The following SHISAL1 variants were observed in gnomAD, a reference collection of about 807,000 sequenced individuals.
SHISAL1 encodes protein shisa-like-1.
SHISAL1 carries 9 observed loss-of-function variants against 22.6 expected under a neutral mutation model. The ratio of observed to expected loss-of-function variants is 0.40; its 90% CI spans 0.24 to 0.70. The LOEUF (loss-of-function observed/expected upper bound fraction) is 0.70, where lower values mean the gene tolerates loss of function less well. SHISAL1 is among the 30% of genes least tolerant of loss of function. The pLI is 0.39. For synonymous variants in SHISAL1, 119 were observed against 115.4 expected, an observed-to-expected ratio of 1.03 and a Z score of -0.20; for missense variants, 246 against 270.6, an observed-to-expected ratio of 0.91 and a Z score of 0.64.
Position 44,310,133 on chromosome 22 carries a change from G to A in SHISAL1, c.-33+2618C>T, listed in dbSNP as rs1197663638. Among the ~76,000 whole-genome samples, 5 of 152,236 alleles carry A rather than the reference G, an allele frequency of 3.3e-5. No individual in the cohort carries two copies. The highest frequency in any genetic ancestry group is 1.2e-4 in the African/African-American group (5 of 41,464). On this transcript the variant is annotated intron_variant, in intron 1 of 4. Coordinates refer to ENST00000381176, the MANE Select transcript of SHISAL1 (RefSeq NM_001099294.2). The surrounding 1 kb of genome is among the most constrained non-coding windows in gnomAD (Gnocchi z 4.0). Reference sequence around the variant, plus strand: ...ACCCTAGTAACGGCCAATGTGACCTGAGCCCTGCTGACCTGATGCCTAGCC... The same window carrying A: ...ACCCTAGTAACGGCCAATGTGACCTAAGCCCTGCTGACCTGATGCCTAGCC...
At chr22:44,260,666 G>A (rs979191852) in intron 4 of SHISAL1, among the ~76,000 whole-genome samples, 2 of 152,232 alleles carry the variant, frequency 1.3e-5, no homozygotes, top group Non-Finnish European at 2.9e-5. Context: ...AGAGCCAAAC[G>A]CTTGCCTGTA....
chr22:44,283,867 G>T (rs1395028322), intron 4 of SHISAL1, among the ~76,000 whole-genome samples: 1 of 152,084 alleles, frequency 6.6e-6, no homozygotes, highest in Non-Finnish European at 1.5e-5. Flanking sequence ...AACCCTCTAG[G>T]TGTGTCTGTT....
intron 4 of SHISAL1, among the ~76,000 whole-genome samples, chr22:44,262,638 T>C (rs1373404843): frequency 6.6e-6 from 1 of 152,210 alleles, no homozygotes; most frequent in Non-Finnish European, 1.5e-5. Context: ...CCTGTGCTGC[T>C]GACCGCAGGG....
chr22:44,308,829 C>T (rs961722252), intron 1 of SHISAL1, among the ~76,000 whole-genome samples: 13 of 152,208 alleles, frequency 8.5e-5, no homozygotes, highest in African/African-American at 3.1e-4. Context: ...ACAGGGGCCA[C>T]GCTCGGGCCT....
chr22:44,249,577 C>A lies in SHISAL1; in HGVS notation c.*108G>T, dbSNP rs576460555. The A allele has an allele frequency of 2.7e-6, 2 of 747,038 alleles. No homozygotes were observed. Among genetic ancestry groups the A allele is most frequent in the Non-Finnish European group, 5.0e-6 (2 of 402,664 alleles). The allele number at this position is 747,038 out of a possible 1,614,324, so 46.3% of individuals were successfully genotyped here. On this transcript the variant is annotated 3_prime_UTR_variant, in exon 5 of 5. Coordinates refer to ENST00000381176, the MANE Select transcript of SHISAL1 (RefSeq NM_001099294.2). ...GCAGCATTTCCTCCTGTGCCACCGC[C>A]GCTACCTCGGCTGTCCCTGGCATCT...
intron 4 of SHISAL1, among the ~76,000 whole-genome samples, chr22:44,265,748 T>TA (rs1360932622): frequency 6.6e-6 from 1 of 152,242 alleles, no homozygotes; most frequent in Non-Finnish European, 1.5e-5. Flanking sequence ...GACATCCCTC[T>TA]ACTCTATCCT....
chr22:44,316,698 T>C (rs1269231341), upstream of SHISAL1, among the ~76,000 whole-genome samples: 4 of 152,140 alleles, frequency 2.6e-5, no homozygotes, highest in Non-Finnish European at 5.9e-5. Flanking sequence ...CCGGGAGCTG[T>C]TGGAAATGCA....
At chr22:44,324,874 A>G in the SHISAL1 span, among the ~76,000 whole-genome samples, 1 of 152,200 alleles carries the variant, frequency 6.6e-6, no homozygotes, top group Non-Finnish European at 1.5e-5. Context: ...GATTCCAGGC[A>G]GCTGCACCCA....
At chr22:44,299,752 A>G (rs962358499) in intron 2 of SHISAL1, among the ~76,000 whole-genome samples, 4 of 151,652 alleles carry the variant, frequency 2.6e-5, no homozygotes, top group African/African-American at 9.7e-5. Context: ...AGACAGAGTC[A>G]GAGAAAGACA....
At chr22:44,290,902 T>C (rs1276791230) in intron 3 of SHISAL1, among the ~76,000 whole-genome samples, 2 of 152,214 alleles carry the variant, frequency 1.3e-5, no homozygotes, top group African/African-American at 4.8e-5. Flanking sequence ...CACAGCAGGA[T>C]TGAGGTTGTC....
intron 4 of SHISAL1, among the ~76,000 whole-genome samples, chr22:44,269,104 C>T (rs570816383): frequency 5.3e-5 from 8 of 152,112 alleles, no homozygotes; most frequent in East Asian, 3.9e-4. Flanking sequence ...AATACACACA[C>T]GCACAGCATG....
upstream of SHISAL1, among the ~76,000 whole-genome samples, chr22:44,313,037 C>T (rs2055531618): frequency 6.6e-6 from 1 of 152,192 alleles, no homozygotes; most frequent in Admixed American, 6.5e-5. Context: ...CCGCCACCTC[C>T]CAGGCCCAGG....
the SHISAL1 span, among the ~76,000 whole-genome samples, chr22:44,320,798 G>A: frequency 6.6e-6 from 1 of 152,208 alleles, no homozygotes; most frequent in Non-Finnish European, 1.5e-5. Context: ...GGGAGGCCCT[G>A]GCAGCAGCTC....
At chr22:44,319,806 G>A in the SHISAL1 span, among the ~76,000 whole-genome samples, 2 of 152,202 alleles carry the variant, frequency 1.3e-5, no homozygotes, top group South Asian at 4.1e-4. Flanking sequence ...AAGATTAAAT[G>A]TAGGAGTTGT....
chr22:44,249,522 G>T lies in SHISAL1; in HGVS notation c.*163C>A. 1.8e-5 allele frequency: 9 copies of T among 512,246 alleles called. No homozygotes were observed. The highest frequency in any genetic ancestry group is 3.4e-5 in the Non-Finnish European group (9 of 268,056). The allele number at this position is 512,246 out of a possible 1,614,324, so 31.7% of individuals were successfully genotyped here. On this transcript the variant is annotated 3_prime_UTR_variant, in exon 5 of 5. Transcript: ENST00000381176. ...ACCCCTGAGTTTGCTCCTAATCTTA[G>T]AAGTCCGCGGAAGGGGGCTTTGGGC...
intron 1 of SHISAL1, among the ~76,000 whole-genome samples, chr22:44,301,445 A>G (rs949044562): frequency 2.0e-5 from 3 of 152,234 alleles, no homozygotes; most frequent in Admixed American, 6.5e-5. Flanking sequence ...CAAGGCACAC[A>G]GCAGTGCATG....
intron 2 of SHISAL1, among the ~76,000 whole-genome samples, chr22:44,298,903 G>C (rs930113530): frequency 6.6e-6 from 1 of 152,196 alleles, no homozygotes; most frequent in African/African-American, 2.4e-5. Context: ...AAGCCTCCCC[G>C]GCTGCCTTCC....
chr22:44,302,233 G>A (rs1192482345), intron 1 of SHISAL1, among the ~76,000 whole-genome samples: 1 of 151,666 alleles, frequency 6.6e-6, no homozygotes, highest in African/African-American at 2.4e-5. Context: ...CCAGCTACTT[G>A]GGAGGCCAAG....
intron 3 of SHISAL1, among the ~76,000 whole-genome samples, chr22:44,292,568 G>A (rs141031001): frequency 9.8e-5 from 15 of 152,312 alleles, no homozygotes; most frequent in South Asian, 6.2e-4. Context: ...CTGTGATATC[G>A]TGTGGCCGGG....
Sources: allele counts gnomAD v4.1 joint callset (sites outside exome capture counted in the v4.1 genomes callset), GRCh38; gene constraint gnomAD v4.1.1; non-coding constraint Gnocchi (gnomAD v3.1); transcripts MANE v1.5; gene names NCBI Gene and HGNC (gene_info 2026-07-23, HGNC 2026-07-21).